TENM2: variants seen among roughly 807,000 people sequenced by gnomAD.
TENM2 encodes the protein teneurin transmembrane protein 2.
In TENM2, 52 loss-of-function variants were observed where a neutral mutation model predicts 245.2. That is an observed-to-expected ratio of 0.21 (90% CI 0.17 to 0.27). The LOEUF (loss-of-function observed/expected upper bound fraction) is 0.27, where lower values mean the gene tolerates loss of function less well. Ranked by LOEUF, TENM2 falls within the 10% of genes least tolerant of loss-of-function variation. The pLI, the probability that TENM2 is intolerant of heterozygous loss-of-function variation, is 1.00. For synonymous variants in TENM2, 1,363 were observed against 1,438.9 expected (o/e 0.95, Z 1.19); for missense variants, 3,046 against 3,666.8 (o/e 0.83, Z 4.37).
intron 2 of TENM2, among the ~76,000 whole-genome samples, chr5:167,783,874 G>A (rs1208583481): frequency 6.6e-6 from 1 of 151,952 alleles, no homozygotes; most frequent in East Asian, 2.0e-4. Context: ...TCCCCCGGGG[G>A]GACTTGACCA....
chr5:167,951,237 A>C (rs1780075939), intron 3 of TENM2, among the ~76,000 whole-genome samples: 1 of 152,196 alleles, frequency 6.6e-6, no homozygotes, highest in Non-Finnish European at 1.5e-5. Context: ...TGCTTGTTTA[A>C]ATGACTTGAG....
intron 1 of TENM2, among the ~76,000 whole-genome samples, chr5:167,288,068 T>C (rs1754397518): frequency 6.6e-6 from 1 of 152,114 alleles, no homozygotes; most frequent in Non-Finnish European, 1.5e-5. Flanking sequence ...TCTTTTTTTT[T>C]GGACCCCGGA....
intron 2 of TENM2, among the ~76,000 whole-genome samples, chr5:167,730,242 T>A (rs539747086): frequency 6.6e-6 from 1 of 152,328 alleles, no homozygotes; most frequent in South Asian, 2.1e-4. Context: ...GGAAAGGGAA[T>A]TTTTGGTCAC....
intron 6 of TENM2, among the ~76,000 whole-genome samples, chr5:168,055,040 C>A (rs1789420421): frequency 6.6e-6 from 1 of 152,178 alleles, no homozygotes; most frequent in Admixed American, 6.5e-5. Flanking sequence ...CTGGTTCCTG[C>A]ATGCCAGGGT....
chr5:167,242,740 T>C, the TENM2 span, among the ~76,000 whole-genome samples: 3 of 152,234 alleles, frequency 2.0e-5, no homozygotes, highest in Admixed American at 1.3e-4. Flanking sequence ...ATGTCTTCAT[T>C]AGCTACGTTA....
At chr5:167,003,196 ATAAAT>A in the TENM2 span, among the ~76,000 whole-genome samples, 1 of 152,206 alleles carries the variant, frequency 6.6e-6, no homozygotes, top group Non-Finnish European at 1.5e-5. Context: ...CAAGTCTGTA[ATAAAT>A]TAAACAGACA....
rs754165661 is a variant in TENM2 at position 168,215,131 on chromosome 5, G to A, written c.3937G>A (p.Val1313Ile). 1.7e-4 allele frequency: 280 copies of A among 1,613,752 alleles called. 4 individuals carry two copies. In the South Asian group the frequency reaches 2.1e-3, roughly 12 times the overall value. ...CACCAACAGCAGGAGAATCTACCGCGTCAAGTCTCTGAGTGGAACCAAAGA... is the reference window on the plus strand; with the variant it reads ...CACCAACAGCAGGAGAATCTACCGCATCAAGTCTCTGAGTGGAACCAAAGA... Residue 1313 changes from valine to isoleucine, a missense_variant, in exon 21 of 29, where the codon GTC (valine) becomes ATC (isoleucine). Transcript: ENST00000518659.
At chr5:167,356,180 T>A (rs1759305613) in intron 1 of TENM2, among the ~76,000 whole-genome samples, 1 of 82,766 alleles carries the variant, frequency 1.2e-5, no homozygotes. Flanking sequence ...TGAGCGAGAC[T>A]CCATCTCAAA....
intron 2 of TENM2, among the ~76,000 whole-genome samples, chr5:167,758,021 A>C (rs992304387): frequency 6.6e-6 from 1 of 152,168 alleles, no homozygotes; most frequent in African/African-American, 2.4e-5. Context: ...TGCATCTGTC[A>C]ATACATAAGT....
chr5:167,733,665 G>A (rs944734399), intron 2 of TENM2, among the ~76,000 whole-genome samples: 1 of 152,210 alleles, frequency 6.6e-6, no homozygotes, highest in African/African-American at 2.4e-5. Context: ...GTTTACATAT[G>A]TAGCTGCTAA....
rs140108111 is a variant in TENM2, at chr5:167,952,670, G to C, written c.795G>C (p.Ser265=). Residue 265 remains serine, a synonymous_variant, in exon 4 of 29, where the codon TCG becomes TCC. Transcript: ENST00000518659. The stretch of plus-strand genomic sequence containing the variant: ...ACCACACGCTGTCCCATCACCACTC[G>C]TCCGCCAACTCCCTCAACAGGAACT... The C allele has an allele frequency of 5.9e-4, 945 of 1,611,988 alleles. 5 individuals carry two copies. In the African/African-American group the frequency reaches 0.011, roughly 19 times the overall value.
At chr5:167,503,055 G>A (rs1253166843) in intron 2 of TENM2, among the ~76,000 whole-genome samples, 1 of 152,068 alleles carries the variant, frequency 6.6e-6, no homozygotes, top group Non-Finnish European at 1.5e-5. Flanking sequence ...TCAAACTCTT[G>A]ACCTCAGGTG....
intron 15 of TENM2, 75 bp from the exon 18 acceptor site, chr5:168,198,778 G>A: frequency 6.5e-7 from 1 of 1,544,746 alleles, no homozygotes; most frequent in Non-Finnish European, 8.8e-7. Flanking sequence ...ATGGCCATCA[G>A]GGGAGGAGGA....
intron 13 of TENM2, among the ~76,000 whole-genome samples, chr5:168,189,372 C>T (rs1760749463): frequency 6.6e-6 from 1 of 152,218 alleles, no homozygotes; most frequent in Non-Finnish European, 1.5e-5. Context: ...CTACCATTAG[C>T]TCCTTAAAGA....
chr5:167,420,823 T>C, intron 2 of TENM2, among the ~76,000 whole-genome samples: 1 of 152,162 alleles, frequency 6.6e-6, no homozygotes, highest in Non-Finnish European at 1.5e-5. Flanking sequence ...AGTTCCAGAG[T>C]GGCAGGAATC....
chr5:167,819,585 C>T (rs576711886), intron 2 of TENM2, among the ~76,000 whole-genome samples: 1 of 152,138 alleles, frequency 6.6e-6, no homozygotes, highest in Non-Finnish European at 1.5e-5. Context: ...TAGCTAGACA[C>T]TGGGGGAATT....
intron 2 of TENM2, among the ~76,000 whole-genome samples, chr5:167,430,954 C>T (rs191945741): frequency 1.3e-5 from 2 of 152,254 alleles, no homozygotes; most frequent in Non-Finnish European, 2.9e-5. Flanking sequence ...GCAAGCCAAT[C>T]ACTTTATGGA....
At chr5:167,861,877 TTC>T in intron 2 of TENM2, among the ~76,000 whole-genome samples, 1 of 152,296 alleles carries the variant, frequency 6.6e-6, no homozygotes. Context: ...GCCAAACAAT[TTC>T]TCTGTTGGAT....
chr5:167,823,739 T>C (rs11134471), intron 2 of TENM2, among the ~76,000 whole-genome samples: 16,981 of 152,172 alleles, frequency 0.11, 1,558 homozygotes, highest in East Asian at 0.42. Flanking sequence ...GTGGAGCAAG[T>C]CACTTTTTTA....
Sources: gnomAD v4.1 joint callset for allele counts (sites outside exome capture counted in the v4.1 genomes callset) on GRCh38, gnomAD v4.1.1 for gene constraint, MANE v1.5 for transcripts, NCBI Gene and HGNC (gene_info 2026-07-23, HGNC 2026-07-21) for gene names.